The following AGBL1 variants were observed in gnomAD, a reference collection of about 807,000 sequenced individuals.
The protein encoded by AGBL1 is AGBL carboxypeptidase 1.
A neutral mutation model predicts 118.9 loss-of-function variants in AGBL1; 130 were observed. The ratio of observed to expected loss-of-function variants is 1.09; its 90% CI spans 0.95 to 1.26. The LOEUF is 1.26. Among genes scored for constraint, AGBL1 ranks in the 50% most tolerant of loss-of-function variants. The pLI is 0.00. For missense variants in AGBL1, 1,584 were observed against 1,298.1 expected, an observed-to-expected ratio of 1.22 and a Z score of -3.38; for synonymous variants, 555 against 478.9, an observed-to-expected ratio of 1.16 and a Z score of -2.08.
At chr15:86,492,734 T>G (rs2142144982) in intron 18 of AGBL1, among the ~76,000 whole-genome samples, 1 of 152,032 alleles carries the variant, frequency 6.6e-6, no homozygotes, top group African/African-American at 2.4e-5. Context: ...TAAGAAAGAT[T>G]ATTTTGAGGG....
Position 86,909,865 on chromosome 15 carries a change from G to A in AGBL1, c.*2571G>A, listed in dbSNP as rs1230251073. ...TCATGAGGCATGTTTCTTAAAAAAC[G>A]TGACCATGACAGATAAGTTTTTATG... is the stretch of plus-strand genomic sequence containing the variant. On this transcript the variant is annotated 3_prime_UTR_variant, in exon 23 of 23. Coordinates refer to ENST00000614907, the MANE Select transcript of AGBL1 (RefSeq NM_001386094.1). 2 of 152,298 alleles carry A rather than the reference G, an allele frequency of 1.3e-5. No individual in the cohort carries two copies. The highest frequency in any genetic ancestry group is 2.1e-4 in the South Asian group (1 of 4,828). The allele number at this position is 152,298 out of a possible 1,614,324, so 9.4% of individuals were successfully genotyped here. A position where few individuals can be genotyped will look rare whatever the true frequency, so the allele number is the denominator to read the frequency against.
At chr15:86,396,833 A>G (rs2081372590) in intron 17 of AGBL1, among the ~76,000 whole-genome samples, 2 of 152,202 alleles carry the variant, frequency 1.3e-5, no homozygotes, top group Admixed American at 6.6e-5. Flanking sequence ...CTGAGATCCC[A>G]GAGGTAGTGA....
intron 22 of AGBL1, among the ~76,000 whole-genome samples, chr15:86,801,579 A>T (rs1036187507): frequency 6.6e-6 from 1 of 152,064 alleles, no homozygotes; most frequent in African/African-American, 2.4e-5. Flanking sequence ...ATTCCCAAGA[A>T]CGTCTCTTGG....
chr15:86,224,277 C>G (rs1457272198), intron 5 of AGBL1, among the ~76,000 whole-genome samples: 1 of 152,166 alleles, frequency 6.6e-6, no homozygotes, highest in Non-Finnish European at 1.5e-5. Context: ...TGAAAAGCCA[C>G]TAAGATGTGG....
At chr15:86,088,513 T>G (rs930570) in intron 1 of AGBL1, among the ~76,000 whole-genome samples, 136,995 of 152,216 alleles carry the variant, frequency 0.9, 61,834 homozygotes, top group Non-Finnish European at 0.95. Context: ...GGTTATTTCA[T>G]CAGCATTTAT....
chr15:86,418,379 C>T (rs941447540), intron 18 of AGBL1, among the ~76,000 whole-genome samples: 2 of 152,200 alleles, frequency 1.3e-5, no homozygotes, highest in Non-Finnish European at 2.9e-5. Context: ...GCCTGTTAAG[C>T]TCTGTCTCCT....
intron 16 of AGBL1, among the ~76,000 whole-genome samples, chr15:86,290,488 C>T (rs1597688080): frequency 1.3e-5 from 2 of 151,246 alleles, no homozygotes; most frequent in Admixed American, 1.3e-4. Flanking sequence ...GTAGCTGGGA[C>T]CACAGGTGTG....
chr15:86,154,573 T>G lies in AGBL1; in HGVS notation c.394+12T>G. 2 of 1,595,924 alleles carry G rather than the reference T, an allele frequency of 1.3e-6. No homozygotes were observed. Among genetic ancestry groups the G allele is most frequent in the Non-Finnish European group, 1.7e-6 (2 of 1,169,266 alleles). ...GTTTGCCTCCAGTGGTAAGTGACTCTATTGTGGCTCTCGGGGATGGCTTCC... is the reference window on the plus strand; with the variant it reads ...GTTTGCCTCCAGTGGTAAGTGACTCGATTGTGGCTCTCGGGGATGGCTTCC... On this transcript the variant is annotated intron_variant, in intron 4 of 22. Transcript: ENST00000614907.
At chr15:86,538,066 T>A (rs936813833) in intron 19 of AGBL1, among the ~76,000 whole-genome samples, 1 of 152,206 alleles carries the variant, frequency 6.6e-6, no homozygotes, top group Non-Finnish European at 1.5e-5. Flanking sequence ...AAAACGTCCT[T>A]CAGCATAAAG....
chr15:86,827,383 ACACATATATATATACATATATATATGTG>A (rs2079031861), intron 22 of AGBL1, among the ~76,000 whole-genome samples: 6 of 9,246 alleles, frequency 6.5e-4, no homozygotes, highest in Non-Finnish European at 8.7e-4. Flanking sequence ...ATATATATAT[ACACATATATATATACATATATATATGTG>A]TATATATATA....
chr15:86,380,158 A>G (rs2081092198), intron 17 of AGBL1, among the ~76,000 whole-genome samples: 1 of 152,124 alleles, frequency 6.6e-6, no homozygotes, highest in Non-Finnish European at 1.5e-5. Flanking sequence ...AAATTCTCAC[A>G]TGATAGACAA....
intron 24 of AGBL1, among the ~76,000 whole-genome samples, chr15:87,007,403 A>T (rs951217094): frequency 1.3e-5 from 2 of 152,210 alleles, no homozygotes; most frequent in African/African-American, 4.8e-5. Context: ...CAAGAAAATC[A>T]ATTTTAATAG....
intron 22 of AGBL1, among the ~76,000 whole-genome samples, chr15:86,864,361 T>A (rs1016364069): frequency 3.9e-5 from 6 of 152,196 alleles, no homozygotes; most frequent in Admixed American, 3.3e-4. Flanking sequence ...TACCAAAAAA[T>A]GTATTGAAAG....
chr15:86,107,524 T>G (rs1046564226), intron 1 of AGBL1: 1 of 152,230 alleles, frequency 6.6e-6, no homozygotes, highest in African/African-American at 2.4e-5. Context: ...AGGTGCTTGA[T>G]GAATACTCAC....
chr15:86,493,971 C>T (rs2082815638), intron 18 of AGBL1, among the ~76,000 whole-genome samples: 1 of 152,012 alleles, frequency 6.6e-6, no homozygotes, highest in Non-Finnish European at 1.5e-5. Flanking sequence ...CCTCTTTACT[C>T]CTTTTCTGGA....
At chr15:86,574,854 A>G (rs1331130602) in intron 21 of AGBL1, among the ~76,000 whole-genome samples, 1 of 151,572 alleles carries the variant, frequency 6.6e-6, no homozygotes, top group Non-Finnish European at 1.5e-5. Context: ...CTGGGATTAT[A>G]GATGTGAGCC....
intron 7 of AGBL1, among the ~76,000 whole-genome samples, chr15:86,248,754 A>G (rs2078761208): frequency 6.6e-6 from 1 of 152,238 alleles, no homozygotes; most frequent in Non-Finnish European, 1.5e-5. Flanking sequence ...TGAGACACTA[A>G]GTAAGCAAAG....
At chr15:86,462,857 G>A (rs2082351505) in intron 18 of AGBL1, among the ~76,000 whole-genome samples, 2 of 152,154 alleles carry the variant, frequency 1.3e-5, no homozygotes, top group African/African-American at 2.4e-5. Flanking sequence ...GGGCTTTTGG[G>A]TTGGTTCCAA....
chr15:87,028,696 G>T, intron 24 of AGBL1: 1 of 766,668 alleles, frequency 1.3e-6, no homozygotes. Flanking sequence ...AAGTATGATT[G>T]TTTATAATCC....
Sources: allele counts gnomAD v4.1 joint callset (sites outside exome capture counted in the v4.1 genomes callset), GRCh38; gene constraint gnomAD v4.1.1; transcripts MANE v1.5; gene names NCBI Gene and HGNC (gene_info 2026-07-23, HGNC 2026-07-21).